EPCIP: variants seen among roughly 807,000 people sequenced by gnomAD.
The protein encoded by EPCIP is exosomal polycystin-1-interacting protein.
chr21:32,809,298 T>TTCTTTCTTTC, the EPCIP span, among the ~76,000 whole-genome samples: 2 of 133,888 alleles, frequency 1.5e-5, no homozygotes, highest in Non-Finnish European at 3.2e-5. Flanking sequence ...CTTTCTTTCT[T>TTCTTTCTTTC]TCTTTCTTTC....
chr21:32,797,886 C>T, the EPCIP span: 7 of 152,186 alleles, frequency 4.6e-5, no homozygotes, highest in Non-Finnish European at 7.4e-5. Context: ...AATGTCTGTC[C>T]GTTCTTCATT....
At chr21:32,791,966 G>T in the EPCIP span, among the ~76,000 whole-genome samples, 2 of 150,926 alleles carry the variant, frequency 1.3e-5, no homozygotes, top group Non-Finnish European at 2.9e-5. Context: ...GTGCAGTGGC[G>T]CAATCTTGGC....
At chr21:32,810,710 T>C in the EPCIP span, 1 of 470,418 alleles carries the variant, frequency 2.1e-6, no homozygotes, top group Non-Finnish European at 4.4e-6. Context: ...CGTCTCTAGC[T>C]CCTGACTGCA....
chr21:32,802,002 A>T, the EPCIP span, among the ~76,000 whole-genome samples: 1 of 152,186 alleles, frequency 6.6e-6, no homozygotes, highest in Non-Finnish European at 1.5e-5. Flanking sequence ...CAGAATGACT[A>T]AAGTCCTTAG....
chr21:32,811,332 A>C, the EPCIP span, among the ~76,000 whole-genome samples: 179 of 152,160 alleles, frequency 1.2e-3, 2 homozygotes, highest in African/African-American at 4.0e-3. Flanking sequence ...GGGTTTCGCC[A>C]TTTTGGCCAG....
chr21:32,800,731 G>A, the EPCIP span, among the ~76,000 whole-genome samples: 7 of 151,870 alleles, frequency 4.6e-5, no homozygotes, highest in South Asian at 4.2e-4. Flanking sequence ...CAGGAGAATC[G>A]CTTGAACCCA....
the EPCIP span, among the ~76,000 whole-genome samples, chr21:32,803,223 C>T: frequency 1.3e-5 from 2 of 152,176 alleles, no homozygotes; most frequent in Non-Finnish European, 2.9e-5. Context: ...GTATCTGATA[C>T]CAGTTGGTTA....
chr21:32,811,079 G>A, the EPCIP span, among the ~76,000 whole-genome samples: 2 of 151,826 alleles, frequency 1.3e-5, no homozygotes, highest in Non-Finnish European at 2.9e-5. Flanking sequence ...TGTTTCACGT[G>A]TTTTATGTTA....
chr21:32,807,334 C>CTT, the EPCIP span, among the ~76,000 whole-genome samples: 54 of 129,972 alleles, frequency 4.2e-4, 14 homozygotes, highest in Non-Finnish European at 5.8e-4. Context: ...CCTCTTATGC[C>CTT]TTTTTTTTTT....
the EPCIP span, among the ~76,000 whole-genome samples, chr21:32,808,491 C>T: frequency 6.6e-6 from 1 of 152,146 alleles, no homozygotes; most frequent in East Asian, 1.9e-4. Context: ...TCCGACCATT[C>T]GATTTTGGAC....
the EPCIP span, among the ~76,000 whole-genome samples, chr21:32,796,653 A>G: frequency 1.3e-5 from 2 of 152,228 alleles, no homozygotes; most frequent in African/African-American, 2.4e-5. Context: ...TCCCTGAACA[A>G]GAGGCTTAAC....
At chr21:32,794,510 C>T in the EPCIP span, 1 of 1,217,624 alleles carries the variant, frequency 8.2e-7, no homozygotes, top group Middle Eastern at 2.9e-4. Context: ...GCAGCTTTAT[C>T]ACAACCTTTC....
the EPCIP span, chr21:32,794,207 T>C: frequency 6.2e-7 from 1 of 1,614,258 alleles, no homozygotes; most frequent in South Asian, 1.1e-5. Context: ...GCTGGTTCGC[T>C]CTACTGCAAG....
the EPCIP span, chr21:32,793,883 G>T: frequency 6.2e-7 from 1 of 1,614,104 alleles, no homozygotes; most frequent in South Asian, 1.1e-5. Flanking sequence ...TGATTTTAAG[G>T]CTGAGTCCCT....
chr21:32,803,668 G>T, the EPCIP span, among the ~76,000 whole-genome samples: 3 of 152,182 alleles, frequency 2.0e-5, no homozygotes, highest in Admixed American at 6.5e-5. Flanking sequence ...TATCTTTGTT[G>T]TTTACTATTT....
chr21:32,805,019 A>G, the EPCIP span, among the ~76,000 whole-genome samples: 1 of 152,228 alleles, frequency 6.6e-6, no homozygotes, highest in Non-Finnish European at 1.5e-5. Context: ...TTACATGGCC[A>G]TAAGGCCTCT....
At chr21:32,806,426 G>A in the EPCIP span, among the ~76,000 whole-genome samples, 2 of 152,198 alleles carry the variant, frequency 1.3e-5, no homozygotes, top group African/African-American at 2.4e-5. Context: ...ACCATTGTGC[G>A]CATAGGCAAG....
the EPCIP span, among the ~76,000 whole-genome samples, chr21:32,808,937 G>A: frequency 1.5e-3 from 235 of 152,290 alleles, no homozygotes; most frequent in Non-Finnish European, 2.6e-3. Flanking sequence ...CAGAGCTCCA[G>A]TAGATAATCT....
At chr21:32,804,845 C>T in the EPCIP span, among the ~76,000 whole-genome samples, 1 of 152,130 alleles carries the variant, frequency 6.6e-6, no homozygotes, top group Non-Finnish European at 1.5e-5. Flanking sequence ...TTTCTACTAA[C>T]TTAAATGTGA....
Sources: gnomAD v4.1 joint callset for allele counts (sites outside exome capture counted in the v4.1 genomes callset) on GRCh38, gnomAD v4.1.1 for gene constraint, MANE v1.5 for transcripts, NCBI Gene and HGNC (gene_info 2026-07-23, HGNC 2026-07-21) for gene names.